Variants in ADAMTSL1 observed in about 807,000 individuals in gnomAD.
ADAMTSL1 encodes ADAMTS-like protein 1.
Under a neutral mutation model 201.8 loss-of-function variants are expected in ADAMTSL1, and 126 were observed. That is an observed-to-expected ratio of 0.62 (90% CI 0.54 to 0.72). The LOEUF (loss-of-function observed/expected upper bound fraction) is 0.72. Among genes scored for constraint, ADAMTSL1 ranks in the 30% least tolerant of loss-of-function variants. The probability of loss-of-function intolerance (pLI) is 0.00; values close to 1 mark genes in which losing one functional copy is unlikely to be tolerated. For synonymous variants in ADAMTSL1, 1,121 were observed against 903.4 expected (o/e 1.24, Z -4.32); for missense variants, 2,679 against 2,277.8 (o/e 1.18, Z -3.59).
intron 23 of ADAMTSL1, among the ~76,000 whole-genome samples, chr9:18,876,708 G>T (rs1588288889): frequency 6.6e-6 from 1 of 152,124 alleles, no homozygotes; most frequent in Non-Finnish European, 1.5e-5. Flanking sequence ...CTTGACTTCA[G>T]ATAACCAGAT....
intron 4 of ADAMTSL1, among the ~76,000 whole-genome samples, chr9:18,579,034 G>C (rs1336274718): frequency 6.6e-6 from 1 of 151,908 alleles, no homozygotes; most frequent in Non-Finnish European, 1.5e-5. Context: ...CTTCTTTTGA[G>C]AAGTGTCTGT....
intron 2 of ADAMTSL1, among the ~76,000 whole-genome samples, chr9:18,164,830 T>G (rs1827562881): frequency 6.6e-6 from 1 of 151,932 alleles, no homozygotes; most frequent in Non-Finnish European, 1.5e-5. Flanking sequence ...AGAGTGTATC[T>G]TTTGCATATT....
At chr9:18,292,413 C>T (rs988022441) in intron 2 of ADAMTSL1, among the ~76,000 whole-genome samples, 1 of 152,024 alleles carries the variant, frequency 6.6e-6, no homozygotes, top group Admixed American at 6.5e-5. Flanking sequence ...AGTGTTAGGG[C>T]CTGTGATGAT....
At chr9:18,305,002 G>A (rs1289469811) in intron 2 of ADAMTSL1, among the ~76,000 whole-genome samples, 1 of 152,186 alleles carries the variant, frequency 6.6e-6, no homozygotes, top group Non-Finnish European at 1.5e-5. Flanking sequence ...TCCAGCTGAG[G>A]TACCAGGTGC....
rs1473274544 is a variant in ADAMTSL1 at position 18,059,815 on chromosome 9, T to G, written c.88-104047T>G. 2.0e-5 allele frequency among the ~76,000 whole-genome samples: 3 copies of G among 152,328 alleles called. No individual in the cohort carries two copies. In the East Asian group the frequency reaches 5.8e-4, roughly 29 times the overall value. On this transcript the variant is annotated intron_variant, in intron 1 of 29. Transcript: ENST00000680146. The stretch of plus-strand genomic sequence containing the variant: ...ATGGCAATTTAGAACTAAATAAGAA[T>G]GAATTTGGCTTTTTTTTAAGGCTGT...
intron 2 of ADAMTSL1, among the ~76,000 whole-genome samples, chr9:18,291,747 T>TCTCA (rs1354410845): frequency 0.021 from 2,069 of 99,670 alleles, 23 homozygotes; most frequent in Non-Finnish European, 0.028. Context: ...TCTCTCTCTC[T>TCTCA]CACACACACA....
intron 2 of ADAMTSL1, among the ~76,000 whole-genome samples, chr9:18,373,342 A>G (rs139081297): frequency 0.013 from 1,954 of 152,364 alleles, 17 homozygotes; most frequent in Non-Finnish European, 0.02. Flanking sequence ...AAAATGTGGC[A>G]TCATTTAATG....
intron 23 of ADAMTSL1, among the ~76,000 whole-genome samples, chr9:18,858,188 T>TTG (rs67224090): frequency 5.9e-5 from 9 of 151,910 alleles, no homozygotes; most frequent in Admixed American, 2.0e-4. Flanking sequence ...ACAGGATTTA[T>TTG]TTTTTTCTTC....
At chr9:18,030,404 G>A (rs551114348) in intron 1 of ADAMTSL1, among the ~76,000 whole-genome samples, 1 of 152,020 alleles carries the variant, frequency 6.6e-6, no homozygotes, top group Admixed American at 6.5e-5. Context: ...TTGTGTGGTG[G>A]GGGGAGTGGG....
intron 2 of ADAMTSL1, among the ~76,000 whole-genome samples, chr9:18,169,782 G>C (rs1172880738): frequency 6.6e-6 from 1 of 152,024 alleles, no homozygotes; most frequent in African/African-American, 2.4e-5. Flanking sequence ...CCATTTGTTT[G>C]TATCCTCTTC....
intron 1 of ADAMTSL1, among the ~76,000 whole-genome samples, chr9:17,972,476 C>T (rs1438697095): frequency 6.6e-6 from 1 of 151,544 alleles, no homozygotes; most frequent in East Asian, 2.0e-4. Context: ...ATCCATGTCC[C>T]TACAAAGGAC....
chr9:18,682,232 G>A (rs1302039843), intron 12 of ADAMTSL1, among the ~76,000 whole-genome samples: 1 of 152,174 alleles, frequency 6.6e-6, no homozygotes, highest in Non-Finnish European at 1.5e-5. Flanking sequence ...GAATACGGAT[G>A]TACCTGCTTA....
At chr9:17,928,548 C>A (rs1401993264) in intron 1 of ADAMTSL1, among the ~76,000 whole-genome samples, 1 of 152,108 alleles carries the variant, frequency 6.6e-6, no homozygotes, top group Non-Finnish European at 1.5e-5. Context: ...TGACATTTTT[C>A]AAGATAGGGG....
chr9:18,534,728 C>T lies in ADAMTSL1; in HGVS notation c.237+1436C>T, dbSNP rs1299048776. Among the ~76,000 whole-genome samples, 5 of 152,214 alleles carry T rather than the reference C, an allele frequency of 3.3e-5. No homozygotes were observed. The East Asian group carries it at 9.6e-4, about 29-fold the overall frequency. ...GAAATCTAAGCAGAGGTTCCCAAAC[C>T]TCAATTCTTCTGCACACCTGCAGGA... On this transcript the variant is annotated intron_variant, in intron 3 of 28. Transcript: ENST00000380548.
chr9:18,794,616 G>A (rs1482273159), intron 19 of ADAMTSL1, among the ~76,000 whole-genome samples: 1 of 138,016 alleles, frequency 7.2e-6, no homozygotes, highest in Non-Finnish European at 1.5e-5. Flanking sequence ...CTGTCTGGTT[G>A]TTTTTTGTTG....
At chr9:18,200,263 A>C (rs560909859) in intron 2 of ADAMTSL1, among the ~76,000 whole-genome samples, 1 of 151,974 alleles carries the variant, frequency 6.6e-6, no homozygotes, top group South Asian at 2.1e-4. Flanking sequence ...GCGAGACACT[A>C]TCTCTATTAA....
chr9:18,371,013 T>C (rs1306217076), intron 2 of ADAMTSL1, among the ~76,000 whole-genome samples: 1 of 152,214 alleles, frequency 6.6e-6, no homozygotes, highest in African/African-American at 2.4e-5. Flanking sequence ...AAGCTTTTTA[T>C]TGGAATTCTT....
intron 2 of ADAMTSL1, among the ~76,000 whole-genome samples, chr9:18,443,687 C>T (rs964512840): frequency 2.0e-5 from 3 of 151,968 alleles, no homozygotes; most frequent in Admixed American, 2.0e-4. Context: ...TAGGTGTGTA[C>T]TGTACTGACT....
At chr9:18,195,175 C>T (rs1424599311) in intron 2 of ADAMTSL1, among the ~76,000 whole-genome samples, 8 of 152,214 alleles carry the variant, frequency 5.3e-5, no homozygotes, top group Middle Eastern at 3.4e-3. Flanking sequence ...CCACCAGTGT[C>T]CATCAAACAG....
Sources: allele counts gnomAD v4.1 joint callset (sites outside exome capture counted in the v4.1 genomes callset), GRCh38; gene constraint gnomAD v4.1.1; transcripts MANE v1.5; gene names NCBI Gene and HGNC (gene_info 2026-07-23, HGNC 2026-07-21).